The following CDH2 variants were observed in gnomAD, a reference collection of about 807,000 sequenced individuals.
The protein encoded by CDH2 is cadherin-2.
Under a neutral mutation model 92.0 loss-of-function variants are expected in CDH2, and 17 were observed. The ratio of observed to expected loss-of-function variants is 0.18; its 90% CI spans 0.13 to 0.28. CDH2 has a LOEUF of 0.28. CDH2 is among the 10% of genes least tolerant of loss of function. The probability of loss-of-function intolerance (pLI) is 1.00; values close to 1 mark genes in which losing one functional copy is unlikely to be tolerated. For synonymous variants in CDH2, 419 were observed against 415.9 expected, an observed-to-expected ratio of 1.01 and a Z score of -0.09; for missense variants, 862 against 1,133.1, an observed-to-expected ratio of 0.76 and a Z score of 3.44.
At chr18:27,955,391 AG>A (rs1909662166) in intron 15 of CDH2, among the ~76,000 whole-genome samples, 21 of 23,942 alleles carry the variant, frequency 8.8e-4, no homozygotes, top group Non-Finnish European at 1.4e-3. Flanking sequence ...AAAAAGAAAA[AG>A]AAAGAAAAAG....
downstream of CDH2, among the ~76,000 whole-genome samples, chr18:27,946,964 T>C (rs1285572713): frequency 6.6e-6 from 1 of 151,900 alleles, no homozygotes; most frequent in Non-Finnish European, 1.5e-5. Context: ...AAGTATAAAC[T>C]GGTATCTATA....
chr18:28,160,848 C>T (rs945488382), intron 1 of CDH2, among the ~76,000 whole-genome samples: 7 of 152,150 alleles, frequency 4.6e-5, no homozygotes, highest in African/African-American at 7.2e-5. Flanking sequence ...TTAGCACTTC[C>T]TATTTACCAT....
At chr18:28,153,089 A>T (rs1370622478) in intron 1 of CDH2, among the ~76,000 whole-genome samples, 1 of 152,192 alleles carries the variant, frequency 6.6e-6, no homozygotes, top group Non-Finnish European at 1.5e-5. Context: ...TGTCCGTGGA[A>T]GTCAAGGAAG....
intron 2 of CDH2, among the ~76,000 whole-genome samples, chr18:28,044,670 A>G (rs142438522): frequency 1.2e-3 from 176 of 152,276 alleles, no homozygotes; most frequent in Middle Eastern, 0.01. Context: ...CACAGTGAAC[A>G]TTATTTTAAC....
chr18:27,946,728 T>G (rs1334039134), downstream of CDH2, among the ~76,000 whole-genome samples: 1 of 151,950 alleles, frequency 6.6e-6, no homozygotes, highest in East Asian at 1.9e-4. Flanking sequence ...ACATATAACT[T>G]AAAATTCCTG....
At chr18:28,021,216 A>G (rs913389121) in intron 2 of CDH2, among the ~76,000 whole-genome samples, 15 of 152,022 alleles carry the variant, frequency 9.9e-5, no homozygotes, top group South Asian at 2.1e-4. Flanking sequence ...CTATTTTAAC[A>G]GACACATATA....
intron 7 of CDH2, 59 bp from the exon 8 acceptor site, chr18:27,993,696 G>A (rs1214789339): frequency 5.4e-6 from 7 of 1,307,812 alleles, no homozygotes; most frequent in African/African-American, 1.5e-5. Context: ...AGACATAACA[G>A]TTGTTCTGTA....
chr18:28,106,630 T>C (rs900209218), intron 2 of CDH2, among the ~76,000 whole-genome samples: 8 of 152,298 alleles, frequency 5.3e-5, no homozygotes, highest in African/African-American at 1.9e-4. Context: ...TGAGCTACTT[T>C]TCTGTTTGTA....
chr18:28,170,556 A>C (rs574769153), intron 1 of CDH2, among the ~76,000 whole-genome samples: 52 of 152,256 alleles, frequency 3.4e-4, no homozygotes, highest in African/African-American at 1.2e-3. Context: ...CGTGTTAGGC[A>C]GGATGGTCTT....
chr18:28,177,091 G>C lies in CDH2; in HGVS notation c.-69C>G, dbSNP rs1003111132. The C allele has an allele frequency of 5.8e-4, 718 of 1,245,356 alleles. 3 individuals carry two copies. The highest frequency in any genetic ancestry group is 3.0e-3 in the Middle Eastern group (11 of 3,722). The allele number at this position is 1,245,356 out of a possible 1,614,324, so 77.1% of individuals were successfully genotyped here. A position where few individuals can be genotyped will look rare whatever the true frequency, so the allele number is the denominator to read the frequency against. On this transcript the variant is annotated 5_prime_UTR_variant, in exon 1 of 16. Transcript: ENST00000269141. Reference sequence around the variant, plus strand: ...CGGCGGCGGCGGCGGCGGAGGAGGAGGAGGCAGCGGCAGCACCAACAGCGG... The same window carrying C: ...CGGCGGCGGCGGCGGCGGAGGAGGACGAGGCAGCGGCAGCACCAACAGCGG...
At chr18:28,130,631 A>G (rs2015752082) in intron 2 of CDH2, among the ~76,000 whole-genome samples, 1 of 152,208 alleles carries the variant, frequency 6.6e-6, no homozygotes, top group South Asian at 2.1e-4. Flanking sequence ...GCGCATCCAG[A>G]TGTGCGCATG....
At chr18:28,160,151 G>A (rs1173019008) in intron 1 of CDH2, among the ~76,000 whole-genome samples, 6 of 146,492 alleles carry the variant, frequency 4.1e-5, no homozygotes, top group South Asian at 4.2e-4. Flanking sequence ...GTAGCGCCTC[G>A]AGAAAAAAAT....
rs952346706 is a variant in CDH2 at position 28,130,666 on chromosome 18, G to A, written c.172+17007C>T. Among the ~76,000 whole-genome samples, 3 of 152,180 alleles carry A rather than the reference G, an allele frequency of 2.0e-5. No individual in the cohort carries two copies. The South Asian group carries it at 6.2e-4, about 32-fold the overall frequency. ...GGCTGCTGAGCAGGCCTCTTCCAGG[G>A]AGCCCTGCGGGAGAGGATTTGGGCT... is the stretch of plus-strand genomic sequence containing the variant. On this transcript the variant is annotated intron_variant, in intron 2 of 15. Transcript: ENST00000269141.
At position 28,040,864 on chromosome 18, in the gene CDH2, G is replaced by A. The variant is rs1356988276; in HGVS notation, c.173-26955C>T. 3.9e-5 allele frequency among the ~76,000 whole-genome samples: 6 copies of A among 152,254 alleles called. No homozygotes were observed. The East Asian group carries it at 1.2e-3, about 29-fold the overall frequency. Reference sequence around the variant, plus strand: ...TGGAAAGATCTTTGATTCACTGACTGGATGTTTATGCCAGACACACTCCAC... The same window carrying A: ...TGGAAAGATCTTTGATTCACTGACTAGATGTTTATGCCAGACACACTCCAC... On this transcript the variant is annotated intron_variant, in intron 2 of 15. Coordinates refer to ENST00000269141, the MANE Select transcript of CDH2 (RefSeq NM_001792.5).
At chr18:28,140,479 A>G (rs1292881174) in intron 2 of CDH2, among the ~76,000 whole-genome samples, 2 of 151,954 alleles carry the variant, frequency 1.3e-5, no homozygotes, top group Non-Finnish European at 2.9e-5. Context: ...TGATTAGGTC[A>G]TGATGGCTCT....
chr18:27,990,440 A>C (rs892513996), intron 9 of CDH2, 90 bp from the exon 10 acceptor site: 32 of 1,265,094 alleles, frequency 2.5e-5, no homozygotes, highest in Non-Finnish European at 3.3e-5. Context: ...ATTTCCAAAA[A>C]ATTAATTTCT....
chr18:27,941,303 G>A (rs1567929345), intron 6 of CDH2, among the ~76,000 whole-genome samples: 1 of 152,034 alleles, frequency 6.6e-6, no homozygotes, highest in Non-Finnish European at 1.5e-5. Flanking sequence ...CTAAAGTGCT[G>A]GGATTACAGG....
At chr18:28,020,080 T>C (rs2013367059) in intron 2 of CDH2, among the ~76,000 whole-genome samples, 1 of 152,104 alleles carries the variant, frequency 6.6e-6, no homozygotes, top group African/African-American at 2.4e-5. Flanking sequence ...GTGAATTCCA[T>C]TTATCATCCA....
At chr18:28,164,018 C>A (rs569012206) in intron 1 of CDH2, among the ~76,000 whole-genome samples, 49 of 152,262 alleles carry the variant, frequency 3.2e-4, no homozygotes, top group Admixed American at 1.8e-3. Flanking sequence ...CATGGATGTA[C>A]TTTATATGCT....
Sources: allele counts gnomAD v4.1 joint callset (sites outside exome capture counted in the v4.1 genomes callset), GRCh38; gene constraint gnomAD v4.1.1; transcripts MANE v1.5; gene names NCBI Gene and HGNC (gene_info 2026-07-23, HGNC 2026-07-21).